MMP14: variants seen among roughly 807,000 people sequenced by gnomAD.
MMP14 encodes the protein matrix metallopeptidase 14, also known as matrix metalloproteinase-14.
In MMP14, 13 loss-of-function variants were observed where a neutral mutation model predicts 64.8. The observed-to-expected ratio is 0.20, with a 90% CI of 0.13 to 0.32. The LOEUF (loss-of-function observed/expected upper bound fraction) is 0.32, where lower values mean the gene tolerates loss of function less well. Ranked by LOEUF, MMP14 falls within the 10% of genes least tolerant of loss-of-function variation. The probability of loss-of-function intolerance (pLI) is 1.00; values close to 1 mark genes in which losing one functional copy is unlikely to be tolerated. For synonymous variants in MMP14, 322 were observed against 315.9 expected (o/e 1.02, Z -0.20); for missense variants, 594 against 783.8 (o/e 0.76, Z 2.89).
intron 6 of MMP14, among the ~76,000 whole-genome samples, 159 bp from the exon 7 acceptor site, chr14:22,844,212 G>A (rs745320785): frequency 9.3e-5 from 14 of 150,400 alleles, no homozygotes; most frequent in Non-Finnish European, 1.3e-4. Flanking sequence ...AAAAAAAGGC[G>A]GGGGGGTACT....
chr14:22,846,215 C>A lies in MMP14; in HGVS notation c.*176C>A. ...ACCCTGACCGCCTCCCTCCCTCCTG[C>A]CCCGGCATTGCATCTTCCCTAGATA... On this transcript the variant is annotated 3_prime_UTR_variant, in exon 10 of 10. Coordinates refer to ENST00000311852, the MANE Select transcript of MMP14 (RefSeq NM_004995.4). 1.6e-6 allele frequency: 1 copy of A among 631,664 alleles called. No individual in the cohort carries two copies. Among genetic ancestry groups the A allele is most frequent in the Non-Finnish European group, 2.7e-6 (1 of 373,482 alleles). The allele number at this position is 631,664 out of a possible 1,614,324, so 39.1% of individuals were successfully genotyped here.
chr14:22,846,663 T>G lies in MMP14; in HGVS notation c.*624T>G, dbSNP rs989258817. 6.6e-6 allele frequency: 1 copy of G among 152,606 alleles called. No individual in the cohort carries two copies. Among genetic ancestry groups the G allele is most frequent in the African/African-American group, 2.4e-5 (1 of 41,402 alleles). 9.5% of individuals were successfully genotyped at this position (152,606 alleles called of 1,614,324 possible). On this transcript the variant is annotated 3_prime_UTR_variant, in exon 10 of 10. Transcript: ENST00000311852. ...CTCAGTCAGTCAAGTTCCTCGGAGA[T>G]CTGCCTCTGCCTCACCTACCCCAGG...
Position 22,843,881 on chromosome 14 carries a change from G to C in MMP14, c.1011+11G>C. 1 of 1,608,882 alleles carries C rather than the reference G, an allele frequency of 6.2e-7. No individual in the cohort carries two copies. The highest frequency in any genetic ancestry group is 1.3e-5 in the African/African-American group (1 of 74,558). ...ATGTTTGTCTTCAAGGTGAGAAGAA[G>C]TGGGCTGGTTTGAAAGACAAAAGGG... On this transcript the variant is annotated intron_variant, in intron 6 of 9. Transcript: ENST00000311852. The surrounding 1 kb of genome is among the most constrained non-coding windows in gnomAD (Gnocchi z 4.8).
At chr14:22,839,790 GC>G (rs1354246014) in intron 1 of MMP14, among the ~76,000 whole-genome samples, 1 of 151,894 alleles carries the variant, frequency 6.6e-6, no homozygotes, top group Non-Finnish European at 1.5e-5. Flanking sequence ...GCACCCAACA[GC>G]AGCCTCCCCC....
chr14:22,841,092 C>T (rs937143767), intron 1 of MMP14, among the ~76,000 whole-genome samples: 3 of 152,272 alleles, frequency 2.0e-5, no homozygotes, highest in African/African-American at 4.8e-5. Context: ...GTCAACACCC[C>T]TCCCCACACA....
chr14:22,837,114 G>T, intron 1 of MMP14, 189 bp downstream of exon 1: 1 of 688,936 alleles, frequency 1.5e-6, no homozygotes, highest in African/African-American at 1.8e-5. Flanking sequence ...ACTTTTGCCC[G>T]CTTCCAACCA....
intron 1 of MMP14, 58 bp downstream of exon 1, chr14:22,836,983 G>A (rs1469493537): frequency 1.0e-5 from 14 of 1,347,722 alleles, no homozygotes; most frequent in Non-Finnish European, 1.4e-5. Context: ...GAGCCCGGGG[G>A]TCTCCTAGGG....
intron 1 of MMP14, among the ~76,000 whole-genome samples, chr14:22,840,927 G>C (rs979229536): frequency 2.0e-5 from 3 of 152,212 alleles, no homozygotes; most frequent in African/African-American, 7.2e-5. Flanking sequence ...CACATTCCAA[G>C]TTCCTAGTTT....
rs960666429 is a variant in MMP14, at chr14:22,844,710, C to T, written c.1231C>T (p.Pro411Ser). The change falls in exon 8 of 10, where the codon CCT becomes TCT. Residue 411 changes from proline to serine, a missense_variant. Coordinates refer to ENST00000311852, the MANE Select transcript of MMP14 (RefSeq NM_004995.4). The part of the protein sequence containing the change: ...KHIKELGRGL[P>S]TDKIDAALFW... The stretch of plus-strand genomic sequence containing the variant: ...CATTAAGGAGCTGGGCCGAGGGCTG[C>T]CTACCGACAAGATTGATGCTGCTCT... 3.1e-6 allele frequency: 5 copies of T among 1,614,096 alleles called. No homozygotes were observed. Among genetic ancestry groups the T allele is most frequent in the Non-Finnish European group, 4.2e-6 (5 of 1,180,010 alleles).
chr14:22,843,481 T>A lies in MMP14; in HGVS notation c.850+63T>A. 1 of 1,560,152 alleles carries A rather than the reference T, an allele frequency of 6.4e-7. No individual in the cohort carries two copies. Among genetic ancestry groups the A allele is most frequent in the Non-Finnish European group, 8.7e-7 (1 of 1,147,796 alleles). The stretch of plus-strand genomic sequence containing the variant: ...TGCTTGTTCCCTCCTGGTCTACGCA[T>A]TTCCCCTCTTTTATGCCTTGCAGTC... On this transcript the variant is annotated intron_variant, in intron 5 of 9. Transcript: ENST00000311852. The surrounding 1 kb of genome is among the most constrained non-coding windows in gnomAD (Gnocchi z 4.8).
Position 22,844,372 on chromosome 14 carries a change from A to C in MMP14, c.1013A>C (p.Glu338Ala). 2.5e-6 allele frequency: 4 copies of C among 1,614,122 alleles called. No individual in the cohort carries two copies. Among genetic ancestry groups the C allele is most frequent in the Non-Finnish European group, 3.4e-6 (4 of 1,180,008 alleles). ...TTTCCTGCATTGACCGGCTTCCAGG[A>C]GCGCTGGTTCTGGCGGGTGAGGAAT... Reference protein sequence around the residue: ...MLRGEMFVFKERWFWRVRNNQ... With the variant: ...MLRGEMFVFKARWFWRVRNNQ... The change falls in exon 7 of 10, where the codon GAG (glutamate) becomes GCG (alanine). Residue 338 changes from glutamate to alanine, a missense_variant and splice_region_variant. Glu to Ala is a moderately radical substitution (Grantham distance 107). Around this residue, in one of 4 missense-constraint regions of MMP14, gnomAD observed 364 missense variants for 425.2 expected, o/e 0.86. Transcript: ENST00000311852.
At chr14:22,837,486 C>G (rs2039743068) in intron 1 of MMP14, 1 of 444,546 alleles carries the variant, frequency 2.2e-6, no homozygotes, top group South Asian at 1.6e-5. Context: ...CAGCCCCCGT[C>G]TCCCCGAGAG....
Position 22,843,847 on chromosome 14 carries a change from C to A in MMP14, c.988C>A (p.Arg330=). ...DGNFDTVAML[R]GEMFVFKERW... ...GAACTTTGACACCGTGGCCATGCTC[C>A]GAGGGGAGATGTTTGTCTTCAAGGT... The change falls in exon 6 of 10, where the codon CGA becomes AGA. Residue 330 remains arginine, a synonymous_variant. Coordinates refer to ENST00000311852, the MANE Select transcript of MMP14 (RefSeq NM_004995.4). The surrounding 1 kb of genome is among the most constrained non-coding windows in gnomAD (Gnocchi z 4.8). 1 of 1,611,984 alleles carries A rather than the reference C, an allele frequency of 6.2e-7. No homozygotes were observed. Among genetic ancestry groups the A allele is most frequent in the South Asian group, 1.1e-5 (1 of 90,754 alleles).
rs944228990 is a variant in MMP14 at position 22,842,155 on chromosome 14, G to A, written c.380+120G>A. The A allele has an allele frequency of 3.6e-6, 5 of 1,384,976 alleles. No individual in the cohort carries two copies. The highest frequency in any genetic ancestry group is 2.9e-5 in the African/African-American group (2 of 69,948). 85.8% of individuals were successfully genotyped at this position (1,384,976 alleles called of 1,614,324 possible). ...CCCTCAGTTCCTGGGAAGCATCCGT[G>A]GGAGTGGGGAGGAAAATGGCTCTCA... is the stretch of plus-strand genomic sequence containing the variant. On this transcript the variant is annotated intron_variant, in intron 3 of 9. Transcript: ENST00000311852. The surrounding 1 kb of genome is among the most constrained non-coding windows in gnomAD (Gnocchi z 5.3).
chr14:22,844,459 C>T lies in MMP14; in HGVS notation c.1100C>T (p.Ser367Phe), dbSNP rs2039797453. ...CAGTTCTGGCGGGGCCTGCCTGCGT[C>T]CATCAACACTGCCTACGAGAGGAAG... ...IGQFWRGLPASINTAYERKDG... is the reference protein window; with the variant it reads ...IGQFWRGLPAFINTAYERKDG... The change falls in exon 7 of 10, where the codon TCC becomes TTC. Residue 367 changes from serine (S) to phenylalanine (F), a missense_variant. Ser to Phe is a radical substitution (Grantham distance 155). Transcript: ENST00000311852. 6.2e-7 allele frequency: 1 copy of T among 1,614,170 alleles called. No individual in the cohort carries two copies. Among genetic ancestry groups the T allele is most frequent in the African/African-American group, 1.3e-5 (1 of 75,042 alleles).
rs2039735470 is a variant in MMP14 at position 22,836,859 on chromosome 14, C to G, written c.42C>G (p.Pro14=). 4 of 1,613,744 alleles carry G rather than the reference C, an allele frequency of 2.5e-6. No individual in the cohort carries two copies. Among genetic ancestry groups the G allele is most frequent in the Non-Finnish European group, 3.4e-6 (4 of 1,179,794 alleles). The change falls in exon 1 of 10, where the codon CCC becomes CCG. Residue 14 remains proline, a synonymous_variant. Transcript: ENST00000311852. Reference sequence around the variant, plus strand: ...GACCCCCCCGTTGTCTCCTGCTCCCCCTGCTCACGCTCGGCACCGCGCTCG... The same window carrying G: ...GACCCCCCCGTTGTCTCCTGCTCCCGCTGCTCACGCTCGGCACCGCGCTCG... ...APRPPRCLLL[P]LLTLGTALAS...
At chr14:22,845,224 C>A in intron 8 of MMP14, 27 bp from the exon 9 acceptor site, 1 of 1,563,254 alleles carries the variant, frequency 6.4e-7, no homozygotes, top group Non-Finnish European at 8.8e-7. Context: ...CAGTGTCCGC[C>A]ACTGCCCTTC....
In MMP14 at chr14:22,836,925, A is replaced by T; in HGVS notation, c.108A>T (p.Glu36Asp). 1.2e-6 allele frequency: 2 copies of T among 1,612,656 alleles called. No individual in the cohort carries two copies. Among genetic ancestry groups the T allele is most frequent in the Non-Finnish European group, 8.5e-7 (1 of 1,179,232 alleles). The stretch of plus-strand genomic sequence containing the variant: ...CCCAAAGCAGCAGCTTCAGCCCCGA[A>T]GTAAGTGAGCTTCCCGGCCCTTCCC... ...GSAQSSSFSP[E>D]AWLQQYGYLP... The change falls in exon 1 of 10, where the codon GAA becomes GAT. Residue 36 changes from glutamate to aspartate, a missense_variant and splice_region_variant. Coordinates refer to ENST00000311852, the MANE Select transcript of MMP14 (RefSeq NM_004995.4).
intron 8 of MMP14, 24 bp from the exon 9 acceptor site, chr14:22,845,227 T>C: frequency 6.3e-7 from 1 of 1,575,096 alleles, no homozygotes; most frequent in Non-Finnish European, 8.7e-7. Flanking sequence ...TGTCCGCCAC[T>C]GCCCTTCCTT....
Sources: allele counts gnomAD v4.1 joint callset (sites outside exome capture counted in the v4.1 genomes callset), GRCh38; gene constraint gnomAD v4.1.1; regional missense constraint gnomAD v4.1.1; non-coding constraint Gnocchi (gnomAD v3.1); transcripts MANE v1.5; gene names NCBI Gene and HGNC (gene_info 2026-07-23, HGNC 2026-07-21).